ELAC2: variants seen among roughly 807,000 people sequenced by gnomAD.
The protein encoded by ELAC2 is zinc phosphodiesterase ELAC protein 2.
A neutral mutation model predicts 105.2 loss-of-function variants in ELAC2; 92 were observed. The ratio of observed to expected loss-of-function variants is 0.87; its 90% CI spans 0.74 to 1.04. The LOEUF (loss-of-function observed/expected upper bound fraction) is 1.04, where lower values mean the gene tolerates loss of function less well. Among genes scored for constraint, ELAC2 ranks in the 50% least tolerant of loss-of-function variants. ELAC2 has a pLI of 0.00. For missense variants in ELAC2, 1,099 were observed against 1,071.7 expected, an observed-to-expected ratio of 1.03 and a Z score of -0.36; for synonymous variants, 468 against 409.1, an observed-to-expected ratio of 1.14 and a Z score of -1.74.
chr17:13,003,410 G>C (rs899780964), intron 12 of ELAC2, 69 bp downstream of exon 12: 1 of 1,410,352 alleles, frequency 7.1e-7, no homozygotes, highest in South Asian at 1.1e-5. Context: ...AAGAGCACGA[G>C]GGGAGGAAAG....
In ELAC2 at chr17:13,016,867, A is replaced by T; in HGVS notation, c.362T>A (p.Leu121Ter). The T allele has an allele frequency of 6.2e-7, 1 of 1,614,100 alleles. No homozygotes were observed. The stretch of plus-strand genomic sequence containing the variant: ...ACTGCAAAGAATATACTCACCACTT[A>T]AGCCCCCAACATTAGACCAGTGCAT... ...TRMHWSNVGGLSGMILTLKET... is the reference protein window; with the variant it reads ...TRMHWSNVGG The change falls in exon 3 of 24, where the codon TTA becomes TAA. Residue 121 changes from leucine to a stop codon, truncating the protein, a stop_gained. Coordinates refer to ENST00000338034, the MANE Select transcript of ELAC2 (RefSeq NM_018127.7). LOFTEE classifies it high-confidence loss of function.
intron 12 of ELAC2, 176 bp from the exon 13 acceptor site, chr17:13,002,755 C>A: frequency 1.0e-6 from 1 of 1,001,998 alleles, no homozygotes; most frequent in African/African-American, 1.6e-5. Context: ...TCTCAAAGCC[C>A]GGTGTTCCCT....
At chr17:13,013,881 GGCAGGA>G (rs2041569559) in intron 5 of ELAC2, among the ~76,000 whole-genome samples, 1 of 152,178 alleles carries the variant, frequency 6.6e-6, no homozygotes, top group African/African-American at 2.4e-5. Context: ...CTGGAACTGA[GGCAGGA>G]GCCCTGCCGT....
chr17:12,992,934 G>T lies in ELAC2; in HGVS notation c.2365C>A (p.Gln789Lys). ...CTGGACAGGAGGGCCGCCCGCACCT[G>T]CCGCAGCTCCCGCTTCTCCCTGCGC... ...EERREKRELR[Q>K]VRAALLSREL... The change falls in exon 24 of 24, where the codon CAG (glutamine) becomes AAG (lysine). Residue 789 changes from glutamine (Q) to lysine (K), a missense_variant. Gln to Lys is a moderately conservative substitution (Grantham distance 53). Coordinates refer to ENST00000338034, the MANE Select transcript of ELAC2 (RefSeq NM_018127.7). The T allele has an allele frequency of 6.2e-7, 1 of 1,611,402 alleles. No homozygotes were observed.
Position 13,011,600 on chromosome 17 carries a change from T to G in ELAC2, c.679+63A>C. ...TACAATAATGACTCTCTACAAGCATTACAAGGCAGAGAATTAAGAAAACGC... is the reference window on the plus strand; with the variant it reads ...TACAATAATGACTCTCTACAAGCATGACAAGGCAGAGAATTAAGAAAACGC... On this transcript the variant is annotated intron_variant, in intron 7 of 23. Transcript: ENST00000338034. 3 of 1,612,982 alleles carry G rather than the reference T, an allele frequency of 1.9e-6. No homozygotes were observed. The South Asian group carries it at 3.3e-5, about 18-fold the overall frequency.
At position 13,000,190 on chromosome 17, in the gene ELAC2, G is replaced by A. The variant is rs77972324; in HGVS notation, c.1389C>T (p.Tyr463=). The part of the protein sequence containing the change: ...LPNFQQSVQE[Y]RRSAQDGPAP... ...CTGGGCCGTCCTGCGCACTCCTCCT[G>A]TACTCCTGCACGCTCTGCTGGAAGT... Residue 463 remains tyrosine (Y), a synonymous_variant, in exon 15 of 24, where the codon TAC becomes TAT. Transcript: ENST00000338034. 3,865 of 1,613,970 alleles carry A rather than the reference G, an allele frequency of 2.4e-3. 73 individuals carry two copies. In the African/African-American group the frequency reaches 0.046, roughly 19 times the overall value.
At chr17:13,005,176 C>T (rs1397207583) in intron 10 of ELAC2, 75 bp from the exon 11 acceptor site, 6 of 1,005,788 alleles carry the variant, frequency 6.0e-6, no homozygotes, top group Non-Finnish European at 9.6e-6. Context: ...AAGGCAACTG[C>T]TAACATGACA....
chr17:13,017,984 C>T lies in ELAC2; in HGVS notation c.-37G>A, dbSNP rs1336394201. The T allele has an allele frequency of 7.2e-6, 11 of 1,534,002 alleles. No homozygotes were observed. The highest frequency in any genetic ancestry group is 3.6e-5 in the South Asian group (3 of 83,804). ...CACCAAAACTGAGAAAGCCGCCGGT[C>T]ACCTACGCCCGCGTTTCCCGTGCAC... On this transcript the variant is annotated 5_prime_UTR_variant, in exon 1 of 24. Coordinates refer to ENST00000338034, the MANE Select transcript of ELAC2 (RefSeq NM_018127.7).
At chr17:13,000,603 AC>A (rs1288189940) in intron 14 of ELAC2, 5 of 385,152 alleles carry the variant, frequency 1.3e-5, no homozygotes, top group African/African-American at 2.1e-5. Context: ...GGCTGTGACA[AC>A]CAAGAACGTT....
intron 8 of ELAC2, among the ~76,000 whole-genome samples, chr17:13,008,438 G>A (rs1227861550): frequency 1.3e-5 from 2 of 152,072 alleles, no homozygotes; most frequent in African/African-American, 4.8e-5. Flanking sequence ...CTTGACCCTG[G>A]GAGGCAGAGG....
At chr17:13,003,660 G>T in intron 11 of ELAC2, 86 bp from the exon 12 acceptor site, 1 of 1,192,138 alleles carries the variant, frequency 8.4e-7, no homozygotes, top group Non-Finnish European at 1.2e-6. Context: ...GGGGTATCGT[G>T]CGGCCCTCTG....
intron 17 of ELAC2, 197 bp downstream of exon 17, chr17:12,996,350 C>G: frequency 2.5e-6 from 2 of 786,534 alleles, no homozygotes; most frequent in Non-Finnish European, 4.2e-6. Context: ...AGGAAAGGAA[C>G]TGAACAGGAA....
At position 13,015,831 on chromosome 17, in the gene ELAC2, T is replaced by A; in HGVS notation, c.369A>T (p.Gly123=). The A allele has an allele frequency of 1.2e-6, 2 of 1,613,672 alleles. No homozygotes were observed. Among genetic ancestry groups the A allele is most frequent in the Non-Finnish European group, 1.7e-6 (2 of 1,179,616 alleles). The stretch of plus-strand genomic sequence containing the variant: ...CGGTTTCCTTTAAAGTAAGAATCAT[T>A]CCTAAAAAGGATGCATAAAATCAGA... ...MHWSNVGGLS[G]MILTLKETGL... is the part of the protein sequence containing the mutation. Residue 123 remains glycine (G), a splice_region_variant and synonymous_variant, in exon 4 of 24, where the codon GGA becomes GGT. Coordinates refer to ENST00000338034, the MANE Select transcript of ELAC2 (RefSeq NM_018127.7).
intron 8 of ELAC2, 89 bp from the exon 9 acceptor site, chr17:13,006,068 T>C: frequency 7.3e-7 from 1 of 1,367,186 alleles, no homozygotes; most frequent in South Asian, 1.2e-5. Context: ...TTTTTCTAGA[T>C]TAAAAAAAAA....
intron 6 of ELAC2, 128 bp downstream of exon 6, chr17:13,013,079 A>C (rs983935487): frequency 9.2e-7 from 1 of 1,082,576 alleles, no homozygotes; most frequent in Non-Finnish European, 1.4e-6. Context: ...TCCTCAACTA[A>C]ATTTTCTAAT....
chr17:12,993,618 C>T (rs2040315204), intron 23 of ELAC2, 69 bp downstream of exon 23: 2 of 1,608,300 alleles, frequency 1.2e-6, no homozygotes, highest in South Asian at 2.2e-5. Context: ...GCTGACCGTC[C>T]TACTCAGTGT....
rs2040229274 is a variant in ELAC2 at position 12,992,416 on chromosome 17, T to C, written c.*402A>G. 5.4e-6 allele frequency: 2 copies of C among 369,656 alleles called. No homozygotes were observed. The highest frequency in any genetic ancestry group is 1.0e-5 in the Non-Finnish European group (2 of 198,266). The allele number at this position is 369,656 out of a possible 1,614,324, so 22.9% of individuals were successfully genotyped here. ...TTGCAAACTCAATCTTTATTGCAGC[T>C]GAAATACTATTTTCGTTAAGTCTCG... On this transcript the variant is annotated 3_prime_UTR_variant, in exon 24 of 24. Coordinates refer to ENST00000338034, the MANE Select transcript of ELAC2 (RefSeq NM_018127.7).
intron 3 of ELAC2, among the ~76,000 whole-genome samples, chr17:13,016,512 C>G (rs965680847): frequency 6.6e-6 from 1 of 151,958 alleles, no homozygotes; most frequent in Non-Finnish European, 1.5e-5. Context: ...AGGCCAGGTG[C>G]GGTGGCTCAT....
intron 23 of ELAC2, among the ~76,000 whole-genome samples, 163 bp from the exon 24 acceptor site, chr17:12,993,208 G>A (rs2040283671): frequency 6.6e-6 from 1 of 152,234 alleles, no homozygotes; most frequent in South Asian, 2.1e-4. Context: ...TGGCATGGAG[G>A]GAACCCTCTA....
Sources: gnomAD v4.1 joint callset for allele counts (sites outside exome capture counted in the v4.1 genomes callset) on GRCh38, gnomAD v4.1.1 for gene constraint, MANE v1.5 for transcripts, NCBI Gene and HGNC (gene_info 2026-07-23, HGNC 2026-07-21) for gene names.